The following PHLDB2 variants were observed in gnomAD, a reference collection of about 807,000 sequenced individuals.
PHLDB2 encodes the protein pleckstrin homology like domain family B member 2.
In PHLDB2, 71 loss-of-function variants were observed where a neutral mutation model predicts 123.6. That is an observed-to-expected ratio of 0.57 (90% CI 0.47 to 0.70). PHLDB2 has a LOEUF of 0.70. Ranked by LOEUF, PHLDB2 falls within the 30% of genes least tolerant of loss-of-function variation. PHLDB2 has a pLI of 0.00. For synonymous variants in PHLDB2, 547 were observed against 541.6 expected (o/e 1.01, Z -0.14); for missense variants, 1,446 against 1,519.5 (o/e 0.95, Z 0.80).
At chr3:111,897,876 C>T (rs977284700) in intron 2 of PHLDB2, among the ~76,000 whole-genome samples, 3 of 152,104 alleles carry the variant, frequency 2.0e-5, no homozygotes, top group Non-Finnish European at 4.4e-5. Context: ...CGCAAGAAGG[C>T]GAACATCATA....
intron 5 of PHLDB2, among the ~76,000 whole-genome samples, chr3:111,921,555 G>A (rs2068499341): frequency 6.6e-6 from 1 of 151,096 alleles, no homozygotes; most frequent in African/African-American, 2.4e-5. Context: ...GAATTAAACT[G>A]CACAGGCTTT....
chr3:111,940,244 T>A (rs1408994876), intron 7 of PHLDB2, among the ~76,000 whole-genome samples: 2 of 152,230 alleles, frequency 1.3e-5, no homozygotes, highest in African/African-American at 4.8e-5. Context: ...CCCAAGATGT[T>A]GTAAAAAATT....
intron 16 of PHLDB2, among the ~76,000 whole-genome samples, chr3:111,970,886 G>A (rs535146155): frequency 9.9e-5 from 15 of 152,270 alleles, no homozygotes; most frequent in African/African-American, 2.4e-4. Flanking sequence ...ATCCAGTGAG[G>A]TCAGGTTATG....
chr3:111,847,497 G>A, intron 2 of PHLDB2, among the ~76,000 whole-genome samples: 1 of 152,058 alleles, frequency 6.6e-6, no homozygotes, highest in Non-Finnish European at 1.5e-5. Context: ...ATCACACCTG[G>A]CCATCACATC....
In PHLDB2 at chr3:111,788,107, T is replaced by A. The variant is rs551244255; in HGVS notation, c.-49+55404T>A. ...CATTCTGACCCAAGAAGGTTACTAG[T>A]TTCCAGGAGGAGAATTGGTGGGACT... On this transcript the variant is annotated intron_variant, in intron 1 of 17. Transcript: ENST00000393923. 4.1e-4 allele frequency among the ~76,000 whole-genome samples: 63 copies of A among 152,306 alleles called. No homozygotes were observed. In the South Asian group the frequency reaches 5.4e-3, roughly 13 times the overall value.
upstream of PHLDB2, among the ~76,000 whole-genome samples, chr3:111,854,601 A>G (rs1465446480): frequency 6.6e-6 from 1 of 152,234 alleles, no homozygotes; most frequent in African/African-American, 2.4e-5. Flanking sequence ...ATCAAATCCA[A>G]CCGATCTTTT....
At chr3:111,739,041 G>A (rs1410590071) in intron 1 of PHLDB2, among the ~76,000 whole-genome samples, 1 of 152,168 alleles carries the variant, frequency 6.6e-6, no homozygotes, top group Non-Finnish European at 1.5e-5. Context: ...AGGGGATTGA[G>A]AGTATAACAT....
At chr3:111,967,926 CATTAGCACTT>C in intron 15 of PHLDB2, 102 bp downstream of exon 15, 1 of 787,148 alleles carries the variant, frequency 1.3e-6, no homozygotes, top group Non-Finnish European at 1.7e-6. Context: ...GGGCACTGAG[CATTAGCACTT>C]GACATGTAAG....
At chr3:111,832,493 T>G (rs2063096063) in intron 1 of PHLDB2, among the ~76,000 whole-genome samples, 2 of 150,760 alleles carry the variant, frequency 1.3e-5, no homozygotes, top group African/African-American at 4.9e-5. Context: ...GAAAACAGCA[T>G]TAATCTTAGT....
At chr3:111,898,180 G>T (rs866773655) in intron 2 of PHLDB2, among the ~76,000 whole-genome samples, 28 of 127,692 alleles carry the variant, frequency 2.2e-4, no homozygotes, top group Admixed American at 1.4e-3. Flanking sequence ...GTGTGTGTGT[G>T]TTTGTGTGTG....
intron 1 of PHLDB2, among the ~76,000 whole-genome samples, chr3:111,871,203 A>G (rs1008029789): frequency 5.9e-5 from 9 of 152,238 alleles, no homozygotes; most frequent in African/African-American, 1.9e-4. Flanking sequence ...AATGACAAGT[A>G]ATACGTTGCA....
chr3:111,763,602 A>C (rs2060030897), intron 1 of PHLDB2, among the ~76,000 whole-genome samples: 1 of 152,206 alleles, frequency 6.6e-6, no homozygotes, highest in South Asian at 2.1e-4. Context: ...ACTGCAAGGA[A>C]AAGAGCAGTG....
intron 1 of PHLDB2, among the ~76,000 whole-genome samples, chr3:111,837,106 T>C (rs1279014455): frequency 6.6e-6 from 1 of 152,198 alleles, no homozygotes; most frequent in Non-Finnish European, 1.5e-5. Context: ...ATTGTTATAG[T>C]AATGAAACTA....
At chr3:111,931,761 A>G (rs1577116042) in intron 5 of PHLDB2, among the ~76,000 whole-genome samples, 3 of 152,340 alleles carry the variant, frequency 2.0e-5, no homozygotes, top group South Asian at 2.1e-4. Context: ...GGGGATGTCA[A>G]TTAATACACC....
chr3:111,954,113 G>T, intron 12 of PHLDB2, 84 bp downstream of exon 12: 3 of 1,248,900 alleles, frequency 2.4e-6, no homozygotes, highest in South Asian at 1.4e-5. Context: ...CAGGGGTAGG[G>T]ATGATTAGAG....
intron 1 of PHLDB2, among the ~76,000 whole-genome samples, chr3:111,873,876 C>T (rs1044674067): frequency 2.6e-5 from 4 of 152,106 alleles, no homozygotes; most frequent in African/African-American, 9.7e-5. Flanking sequence ...CCCAGGAGGG[C>T]ATATCTTACA....
chr3:111,783,708 T>G (rs1159753430), intron 1 of PHLDB2, among the ~76,000 whole-genome samples: 1 of 152,128 alleles, frequency 6.6e-6, no homozygotes, highest in Non-Finnish European at 1.5e-5. Context: ...CAGCTTGCTG[T>G]TGATCACTAG....
chr3:111,859,215 C>A, upstream of PHLDB2: 1 of 985,374 alleles, frequency 1.0e-6, no homozygotes, highest in Non-Finnish European at 1.2e-6. Flanking sequence ...GGACGTAAAC[C>A]CTCCCGCCCT....
chr3:111,796,239 C>T (rs2061156932), intron 1 of PHLDB2, among the ~76,000 whole-genome samples: 1 of 152,078 alleles, frequency 6.6e-6, no homozygotes. Context: ...TAGAAAAACG[C>T]CTTTTCATTT....
Sources: allele counts gnomAD v4.1 joint callset (sites outside exome capture counted in the v4.1 genomes callset), GRCh38; gene constraint gnomAD v4.1.1; transcripts MANE v1.5; gene names NCBI Gene and HGNC (gene_info 2026-07-23, HGNC 2026-07-21).